WASHC3: variants seen among roughly 807,000 people sequenced by gnomAD.
The protein encoded by WASHC3 is WASH complex subunit 3.
WASHC3 carries 24 observed loss-of-function variants against 26.1 expected under a neutral mutation model. The observed-to-expected ratio is 0.92, with a 90% CI of 0.66 to 1.29. The LOEUF is 1.29. Ranked by LOEUF, WASHC3 falls within the 50% of genes most tolerant of loss-of-function variation. The pLI, the probability that WASHC3 is intolerant of heterozygous loss-of-function variation, is 0.00. For synonymous variants in WASHC3, 77 were observed against 75.7 expected, an observed-to-expected ratio of 1.02 and a Z score of -0.09; for missense variants, 214 against 229.6, an observed-to-expected ratio of 0.93 and a Z score of 0.44.
Position 102,013,187 on chromosome 12 carries a change from G to A in WASHC3, c.506C>T (p.Pro169Leu), listed in dbSNP as rs751576006. ...TTCGCCATCAGGCACTGGAGCATCT[G>A]GCCTCCTAAAAGAAAAGAAAAAAAA... ...EGLDPDLLER[P>L]DAPVPDGESE... Residue 169 changes from proline to leucine, a missense_variant, in exon 7 of 7, where the codon CCA (proline) becomes CTA (leucine). Coordinates refer to ENST00000240079, the MANE Select transcript of WASHC3 (RefSeq NM_016053.4). The A allele has an allele frequency of 4.6e-6, 7 of 1,515,058 alleles. No individual in the cohort carries two copies. The African/African-American group carries it at 6.9e-5, about 15-fold the overall frequency. The allele number at this position is 1,515,058 out of a possible 1,614,324, so 93.9% of individuals were successfully genotyped here.
At chr12:102,061,855 G>C in intron 1 of WASHC3, 57 bp downstream of exon 1, 1 of 1,475,088 alleles carries the variant, frequency 6.8e-7, no homozygotes, top group South Asian at 1.2e-5. Context: ...CCGGAAAGCT[G>C]CGTCTTCCCC....
At chr12:102,041,595 C>A (rs1164845890) in intron 4 of WASHC3, among the ~76,000 whole-genome samples, 1 of 151,918 alleles carries the variant, frequency 6.6e-6, no homozygotes, top group Non-Finnish European at 1.5e-5. Context: ...GTGCATTATT[C>A]TCCTTTGTCT....
intron 5 of WASHC3, among the ~76,000 whole-genome samples, chr12:102,027,072 CAT>C (rs1172204127): frequency 2.0e-5 from 3 of 152,124 alleles, no homozygotes; most frequent in Non-Finnish European, 2.9e-5. Flanking sequence ...AATAATTGCA[CAT>C]GTTTATGTGT....
intron 2 of WASHC3, among the ~76,000 whole-genome samples, chr12:102,048,931 T>A (rs1250181625): frequency 1.3e-5 from 2 of 152,212 alleles, no homozygotes; most frequent in African/African-American, 4.8e-5. Context: ...TGGTTTTGTA[T>A]GTTCCAGTGT....
rs1878378910 is a variant in WASHC3 at position 102,051,163 on chromosome 12, TCTGTGACTGAAG to T, written c.151-5056_151-5045del. Among the ~76,000 whole-genome samples, 3 of 152,352 alleles carry T rather than the reference TCTGTGACTGAAG, an allele frequency of 2.0e-5. No individual in the cohort carries two copies. In the South Asian group the frequency reaches 6.2e-4, roughly 32 times the overall value. ...AACTTAATTCTGGCTTGAGGGTTTA[TCTGTGACTGAAG>T]TTGTTTAAGGTTGGGTTTGGTTCAA... On this transcript the variant is annotated intron_variant, in intron 2 of 6. Coordinates refer to ENST00000240079, the MANE Select transcript of WASHC3 (RefSeq NM_016053.4).
Position 102,044,172 on chromosome 12 carries a change from A to G in WASHC3, c.257T>C (p.Val86Ala). The G allele has an allele frequency of 2.5e-6, 4 of 1,610,540 alleles. No individual in the cohort carries two copies. The highest frequency in any genetic ancestry group is 3.4e-6 in the Non-Finnish European group (4 of 1,178,052). The change falls in exon 4 of 7, where the codon GTA becomes GCA. Residue 86 changes from valine to alanine, a missense_variant. Val to Ala is a moderately conservative substitution (Grantham distance 64). Coordinates refer to ENST00000240079, the MANE Select transcript of WASHC3 (RefSeq NM_016053.4). ...GACACTGGTGACATTTAAAGGAGAT[A>G]CTTCAACTGTGACATCATCTAGGCC... ...IPGLDDVTVE[V>A]SPLNVTSVTN...
intron 2 of WASHC3, among the ~76,000 whole-genome samples, chr12:102,049,957 C>A (rs11111144): frequency 0.019 from 2,881 of 152,116 alleles, 93 homozygotes; most frequent in African/African-American, 0.067. Context: ...TTTGCTTGTA[C>A]CTAAAGATTT....
At chr12:102,044,004 T>C in intron 4 of WASHC3, 101 bp downstream of exon 4, 1 of 535,042 alleles carries the variant, frequency 1.9e-6, no homozygotes. Flanking sequence ...AAAATTTTAC[T>C]ATTAGAAGTT....
At chr12:102,055,265 T>C (rs915319755) in intron 2 of WASHC3, among the ~76,000 whole-genome samples, 1 of 152,228 alleles carries the variant, frequency 6.6e-6, no homozygotes, top group African/African-American at 2.4e-5. Context: ...CAGAGCTCAA[T>C]GCAGCTCAGT....
At chr12:102,020,552 A>G (rs1335201299) in intron 6 of WASHC3, among the ~76,000 whole-genome samples, 3 of 152,228 alleles carry the variant, frequency 2.0e-5, no homozygotes, top group Admixed American at 2.0e-4. Context: ...CATTCTTTGG[A>G]AAAACATGTA....
In WASHC3 at chr12:102,061,973, G is replaced by T; in HGVS notation, c.-11C>A. ...CCCGTCCTCATCCATCTCCTCAGCG[G>T]GCGGTGGACCCCGAGTTCACCCACA... On this transcript the variant is annotated 5_prime_UTR_variant, in exon 1 of 7. Coordinates refer to ENST00000240079, the MANE Select transcript of WASHC3 (RefSeq NM_016053.4). 6.3e-7 allele frequency: 1 copy of T among 1,592,250 alleles called. No homozygotes were observed. Among genetic ancestry groups the T allele is most frequent in the Non-Finnish European group, 8.6e-7 (1 of 1,168,298 alleles).
chr12:102,017,753 C>T (rs752242168), intron 6 of WASHC3: 24 of 425,248 alleles, frequency 5.6e-5, no homozygotes, highest in East Asian at 1.5e-4. Context: ...TTCTCCACAC[C>T]GTCAGCAACA....
Position 102,044,364 on chromosome 12 carries a change from G to A in WASHC3, c.217-152C>T, listed in dbSNP as rs73183992. ...ATGTCATAAACTAAAAGTGAAAGAC[G>A]GTCACAAATTCTTTTGAAGAACTTC... On this transcript the variant is annotated intron_variant, in intron 3 of 6. Transcript: ENST00000240079. Among the ~76,000 whole-genome samples, 859 of 152,218 alleles carry A rather than the reference G, an allele frequency of 5.6e-3. 4 individuals carry two copies. Among genetic ancestry groups the A allele is most frequent in the South Asian group, 0.013 (63 of 4,822 alleles).
At chr12:102,019,060 A>C (rs768977378) in intron 6 of WASHC3, among the ~76,000 whole-genome samples, 1 of 152,142 alleles carries the variant, frequency 6.6e-6, no homozygotes, top group African/African-American at 2.4e-5. Context: ...CAGCCTCCCA[A>C]AGTGCTGGGA....
At chr12:102,014,969 A>G (rs1876635403) in intron 6 of WASHC3, among the ~76,000 whole-genome samples, 1 of 152,220 alleles carries the variant, frequency 6.6e-6, no homozygotes, top group African/African-American at 2.4e-5. Flanking sequence ...ACTCAAACAA[A>G]TACAACAATG....
intron 5 of WASHC3, among the ~76,000 whole-genome samples, chr12:102,027,482 C>T (rs923142151): frequency 3.9e-5 from 6 of 152,090 alleles, no homozygotes; most frequent in African/African-American, 1.2e-4. Context: ...AAGTTAAGGA[C>T]ACTATATATA....
intron 6 of WASHC3, among the ~76,000 whole-genome samples, chr12:102,020,480 T>G (rs1385971182): frequency 1.3e-5 from 2 of 152,230 alleles, no homozygotes; most frequent in African/African-American, 4.8e-5. Flanking sequence ...TAATTTGTTT[T>G]CATTAGAGGA....
intron 5 of WASHC3, among the ~76,000 whole-genome samples, chr12:102,030,517 T>A (rs182456366): frequency 4.5e-4 from 68 of 152,176 alleles, no homozygotes; most frequent in African/African-American, 1.6e-3. Flanking sequence ...GTAAAATGAA[T>A]ACGGCTACCT....
chr12:102,061,780 C>T, intron 1 of WASHC3, 132 bp downstream of exon 1: 1 of 691,062 alleles, frequency 1.4e-6, no homozygotes, highest in South Asian at 1.9e-5. Context: ...CTCCTGAGGC[C>T]CCACAGGCCT....
Sources: gnomAD v4.1 joint callset for allele counts (sites outside exome capture counted in the v4.1 genomes callset) on GRCh38, gnomAD v4.1.1 for gene constraint, MANE v1.5 for transcripts, NCBI Gene and HGNC (gene_info 2026-07-23, HGNC 2026-07-21) for gene names.